Variants in NUS1 observed in about 807,000 individuals in gnomAD.
The protein encoded by NUS1 is NUS1 dehydrodolichyl diphosphate synthase subunit.
For synonymous variants in NUS1, 135 were observed against 155.2 expected (o/e 0.87, Z 0.97); for missense variants, 292 against 382.9 (o/e 0.76, Z 1.98).
rs979477074 is a variant in NUS1, at chr6:117,710,418, T to C, written c.*3403T>C. The C allele has an allele frequency of 2.0e-5, 3 of 152,084 alleles. No individual in the cohort carries two copies. The highest frequency in any genetic ancestry group is 4.4e-5 in the Non-Finnish European group (3 of 67,972). The allele number at this position is 152,084 out of a possible 1,614,324, so 9.4% of individuals were successfully genotyped here. ...AGATCCTAACTGGTGGGACATAAAC[T>C]ATGATGCAATGGATAGGAAAAGGTA... On this transcript the variant is annotated 3_prime_UTR_variant, in exon 5 of 5. Transcript: ENST00000368494.
chr6:117,684,115 T>C (rs1773102381), intron 1 of NUS1, among the ~76,000 whole-genome samples: 1 of 152,224 alleles, frequency 6.6e-6, no homozygotes, highest in African/African-American at 2.4e-5. Flanking sequence ...GTCTTTCTGT[T>C]ACTCACTTTG....
At chr6:117,688,741 A>G (rs911114891) in intron 1 of NUS1, among the ~76,000 whole-genome samples, 6 of 152,214 alleles carry the variant, frequency 3.9e-5, no homozygotes. Flanking sequence ...TGTTTGAATG[A>G]ACTAGAAATG....
At chr6:117,690,073 A>G (rs899573498) in intron 1 of NUS1, among the ~76,000 whole-genome samples, 4 of 152,194 alleles carry the variant, frequency 2.6e-5, no homozygotes, top group Non-Finnish European at 5.9e-5. Context: ...TATAATGATT[A>G]TATCCTACAC....
Position 117,682,542 on chromosome 6 carries a change from A to T in NUS1, c.415+6457A>T, listed in dbSNP as rs546881342. Reference sequence around the variant, plus strand: ...CTTGAGTCCTGGAGGTTGGGGCTACAGTGAACCATGGTTGCACCACTGTAC... The same window carrying T: ...CTTGAGTCCTGGAGGTTGGGGCTACTGTGAACCATGGTTGCACCACTGTAC... On this transcript the variant is annotated intron_variant, in intron 1 of 4. Coordinates refer to ENST00000368494, the MANE Select transcript of NUS1 (RefSeq NM_138459.5). Among the ~76,000 whole-genome samples the T allele has an allele frequency of 2.0e-5, 3 of 152,358 alleles. No homozygotes were observed. In the South Asian group the frequency reaches 6.2e-4, roughly 32 times the overall value.
chr6:117,697,089 C>T (rs1773330801), intron 3 of NUS1, among the ~76,000 whole-genome samples: 1 of 151,884 alleles, frequency 6.6e-6, no homozygotes, highest in African/African-American at 2.4e-5. Context: ...TGGTAATCAG[C>T]TTAAAATAAT....
In NUS1 at chr6:117,676,212, G is replaced by C. The variant is rs1041635357; in HGVS notation, c.415+127G>C. 2.9e-6 allele frequency: 4 copies of C among 1,394,346 alleles called. No homozygotes were observed. The African/African-American group carries it at 5.8e-5, about 20-fold the overall frequency. 86.4% of individuals were successfully genotyped at this position (1,394,346 alleles called of 1,614,324 possible). The stretch of plus-strand genomic sequence containing the variant: ...TGCAAATCACAGCGCTAGCGCTTTC[G>C]AGGAAGGGAGATCAGCTTTATTGAA... On this transcript the variant is annotated intron_variant, in intron 1 of 4. Transcript: ENST00000368494.
chr6:117,703,816 T>G, intron 4 of NUS1, 112 bp downstream of exon 4: 1 of 758,936 alleles, frequency 1.3e-6, no homozygotes. Flanking sequence ...CTGGATCCTT[T>G]ACCTCAGTTA....
At position 117,709,889 on chromosome 6, in the gene NUS1, A is replaced by G. The variant is rs1773551704; in HGVS notation, c.*2874A>G. On this transcript the variant is annotated 3_prime_UTR_variant, in exon 5 of 5. Coordinates refer to ENST00000368494, the MANE Select transcript of NUS1 (RefSeq NM_138459.5). Reference sequence around the variant, plus strand: ...GCTGCAAAAATGTAATAAGAAATGCATATGACTAGATAGCAATAGTGTTTT... The same window carrying G: ...GCTGCAAAAATGTAATAAGAAATGCGTATGACTAGATAGCAATAGTGTTTT... 6.6e-6 allele frequency: 1 copy of G among 152,598 alleles called. No homozygotes were observed. The highest frequency in any genetic ancestry group is 1.9e-4 in the East Asian group (1 of 5,204). The allele number at this position is 152,598 out of a possible 1,614,324, so 9.5% of individuals were successfully genotyped here. A position where few individuals can be genotyped will look rare whatever the true frequency, so the allele number is the denominator to read the frequency against.
At chr6:117,699,852 A>G (rs1208724066) in intron 3 of NUS1, among the ~76,000 whole-genome samples, 1 of 152,010 alleles carries the variant, frequency 6.6e-6, no homozygotes, top group South Asian at 2.1e-4. Context: ...AGACAAATGC[A>G]TACATCTCCA....
intron 1 of NUS1, among the ~76,000 whole-genome samples, chr6:117,679,283 A>T (rs1773028000): frequency 6.6e-6 from 1 of 152,190 alleles, no homozygotes; most frequent in African/African-American, 2.4e-5. Flanking sequence ...AGTCAAAAAG[A>T]TAGAATTGGG....
At chr6:117,676,256 A>G (rs1010186731) in intron 1 of NUS1, among the ~76,000 whole-genome samples, 171 bp downstream of exon 1, 1 of 152,192 alleles carries the variant, frequency 6.6e-6, no homozygotes, top group Non-Finnish European at 1.5e-5. Flanking sequence ...AATTCTCTGG[A>G]TTTGACTCAG....
Position 117,710,431 on chromosome 6 carries a change from A to G in NUS1, c.*3416A>G, listed in dbSNP as rs1773559424. 1 of 152,140 alleles carries G rather than the reference A, an allele frequency of 6.6e-6. No individual in the cohort carries two copies. The highest frequency in any genetic ancestry group is 1.9e-4 in the East Asian group (1 of 5,194). The allele number at this position is 152,140 out of a possible 1,614,324, so 9.4% of individuals were successfully genotyped here. A position where few individuals can be genotyped will look rare whatever the true frequency, so the allele number is the denominator to read the frequency against. On this transcript the variant is annotated 3_prime_UTR_variant, in exon 5 of 5. Transcript: ENST00000368494. ...TGGGACATAAACTATGATGCAATGG[A>G]TAGGAAAAGGTAGTGCAAAAAGAAT... is the stretch of plus-strand genomic sequence containing the variant.
rs58136219 is a variant in NUS1 at position 117,695,193 on chromosome 6, CAAAAAAAAAAAAAAA to C, written c.691+1027_691+1041del. Among the ~76,000 whole-genome samples, 27 of 55,238 alleles carry C rather than the reference CAAAAAAAAAAAAAAA, an allele frequency of 4.9e-4. No homozygotes were observed. In the South Asian group the frequency reaches 0.022, roughly 44 times the overall value. The allele number at this position is 55,238 out of a possible 152,430, so 36.2% of individuals were successfully genotyped here. ...TGGGTGACGGAGTGAGACCCTGTCT[CAAAAAAAAAAAAAAA>C]AAAAAAAAAAAAAGAAAAAGAAATG... On this transcript the variant is annotated intron_variant, in intron 3 of 4. Transcript: ENST00000368494.
intron 3 of NUS1, 142 bp downstream of exon 3, chr6:117,694,322 G>A: frequency 2.3e-6 from 1 of 430,432 alleles, no homozygotes; most frequent in Non-Finnish European, 3.9e-6. Flanking sequence ...GTTAATACCT[G>A]TTAAATTTCT....
intron 1 of NUS1, among the ~76,000 whole-genome samples, chr6:117,692,260 A>T (rs181060337): frequency 5.8e-4 from 89 of 152,230 alleles, no homozygotes; most frequent in African/African-American, 2.1e-3. Context: ...GTCATGCCTG[A>T]CTGAGAGTGC....
intron 3 of NUS1, among the ~76,000 whole-genome samples, chr6:117,695,136 G>A (rs111583609): frequency 0.05 from 6,568 of 130,422 alleles, 379 homozygotes; most frequent in East Asian, 0.31. Flanking sequence ...AGAGGTTGCA[G>A]TGAGCCAAGA....
intron 3 of NUS1, among the ~76,000 whole-genome samples, chr6:117,698,015 A>G (rs77093529): frequency 0.064 from 9,749 of 152,128 alleles, 356 homozygotes; most frequent in African/African-American, 0.092. Flanking sequence ...TTTGGAAACT[A>G]TACAAACACC....
In NUS1 at chr6:117,690,654, T is replaced by C. The variant is rs562677157; in HGVS notation, c.416-2388T>C. Among the ~76,000 whole-genome samples, 6 of 152,274 alleles carry C rather than the reference T, an allele frequency of 3.9e-5. No individual in the cohort carries two copies. In the South Asian group the frequency reaches 1.2e-3, roughly 32 times the overall value. ...CATCGGCTGTCTAAAACCGAACTCA[T>C]CCTTTCCTTCAAACAAGTTCTCTTT... On this transcript the variant is annotated intron_variant, in intron 1 of 4. Coordinates refer to ENST00000368494, the MANE Select transcript of NUS1 (RefSeq NM_138459.5).
At chr6:117,680,699 C>T (rs891425219) in intron 1 of NUS1, among the ~76,000 whole-genome samples, 4 of 149,772 alleles carry the variant, frequency 2.7e-5, no homozygotes, top group African/African-American at 1.0e-4. Context: ...ACTTGCCTTA[C>T]ATTAGATTAT....
Sources: allele counts gnomAD v4.1 joint callset (sites outside exome capture counted in the v4.1 genomes callset), GRCh38; gene constraint gnomAD v4.1.1; transcripts MANE v1.5; gene names NCBI Gene and HGNC (gene_info 2026-07-23, HGNC 2026-07-21).